The following KLHL13 variants were observed in gnomAD, a reference collection of about 807,000 sequenced individuals.
The protein encoded by KLHL13 is kelch-like protein 13.
In KLHL13, 10 loss-of-function variants were observed where a neutral mutation model predicts 37.1. That is an observed-to-expected ratio of 0.27 (90% CI 0.17 to 0.46). The LOEUF (loss-of-function observed/expected upper bound fraction) is 0.46, where lower values mean the gene tolerates loss of function less well. Among genes scored for constraint, KLHL13 ranks in the 20% least tolerant of loss-of-function variants. The pLI, the probability that KLHL13 is intolerant of heterozygous loss-of-function variation, is 1.00. For synonymous variants in KLHL13, 163 were observed against 181.2 expected, an observed-to-expected ratio of 0.90 and a Z score of 0.81; for missense variants, 360 against 509.3, an observed-to-expected ratio of 0.71 and a Z score of 2.82.
intron 1 of KLHL13, among the ~76,000 whole-genome samples, chrX:118,030,639 C>T (rs2054326895): frequency 8.9e-6 from 1 of 111,850 alleles, no homozygotes; most frequent in African/African-American, 3.3e-5. Context: ...GGGGCACCAC[C>T]CTCATGAAGG....
At chrX:118,074,677 T>C (rs372526868) in intron 1 of KLHL13, among the ~76,000 whole-genome samples, 1 of 112,088 alleles carries the variant, frequency 8.9e-6, no homozygotes, top group Non-Finnish European at 1.9e-5. Context: ...AATTATTATC[T>C]ACATTTGAAA....
intron 1 of KLHL13, among the ~76,000 whole-genome samples, chrX:118,088,863 T>C (rs758707148): frequency 1.8e-5 from 2 of 111,527 alleles, no homozygotes; most frequent in Non-Finnish European, 3.8e-5. Context: ...AAGAAGCAGA[T>C]GGGCTAGGGA....
Position 118,004,182 on chromosome X carries a change from T to C in KLHL13, c.-55-58607A>G, listed in dbSNP as rs148195565. On this transcript the variant is annotated intron_variant, in intron 1 of 6. Coordinates refer to the KLHL13 transcript ENST00000371882. ...GAAAACTAGAATGAACTCTATGGTA[T>C]TGGATTAAAATTGAAGGTATTGGTG... 9.3e-3 allele frequency among the ~76,000 whole-genome samples: 1,040 copies of C among 111,701 alleles called. 17 individuals carry two copies. Among genetic ancestry groups the C allele is most frequent in the African/African-American group, 0.031 (966 of 30,780 alleles).
At chrX:117,988,725 T>G (rs60241218) in intron 1 of KLHL13, among the ~76,000 whole-genome samples, 7,068 of 111,757 alleles carry the variant, frequency 0.063, 533 homozygotes, top group African/African-American at 0.21. Flanking sequence ...CAAAGTCTCA[T>G]AACCTCCCAA....
At chrX:118,025,758 A>G (rs2054267994) in intron 1 of KLHL13, among the ~76,000 whole-genome samples, 2 of 112,079 alleles carry the variant, frequency 1.8e-5, no homozygotes, top group Non-Finnish European at 3.8e-5. Context: ...TTTTTAAAAA[A>G]CACATGCTGA....
intron 1 of KLHL13, among the ~76,000 whole-genome samples, chrX:118,047,752 A>C (rs944068838): frequency 5.4e-5 from 6 of 111,813 alleles, no homozygotes; most frequent in Non-Finnish European, 9.4e-5. Flanking sequence ...ATTTGTGAGA[A>C]GGAATATGAG....
chrX:118,049,111 T>C (rs1426029365), intron 1 of KLHL13, among the ~76,000 whole-genome samples: 1 of 112,015 alleles, frequency 8.9e-6, no homozygotes, highest in African/African-American at 3.2e-5. Flanking sequence ...AATAATCAGA[T>C]TTGAGATATC....
chrX:118,032,080 C>A (rs1341297246), intron 1 of KLHL13, among the ~76,000 whole-genome samples: 1 of 111,544 alleles, frequency 9.0e-6, no homozygotes, highest in East Asian at 2.8e-4. Context: ...GCACCTGGCT[C>A]AGAGGGTCCT....
upstream of KLHL13, among the ~76,000 whole-genome samples, chrX:117,977,703 C>A (rs1264613276): frequency 1.8e-5 from 2 of 112,069 alleles, no homozygotes; most frequent in African/African-American, 6.5e-5. Flanking sequence ...GCAGATCATG[C>A]CAAATTGTGT....
chrX:117,898,626 T>C (rs1328526046), exon 7 of KLHL13: 11 of 272,122 alleles, frequency 4.0e-5, no homozygotes, highest in Non-Finnish European at 3.8e-5. Context: ...ATACACAGCA[T>C]TTAAAAAGTA....
intron 1 of KLHL13, among the ~76,000 whole-genome samples, chrX:118,059,157 A>G (rs188560736): frequency 8.9e-6 from 1 of 112,092 alleles, no homozygotes; most frequent in Admixed American, 9.5e-5. Flanking sequence ...ACAAGTCTCA[A>G]CAGATCCTAC....
chrX:118,051,228 G>A (rs1433994817), intron 1 of KLHL13, among the ~76,000 whole-genome samples: 3 of 110,346 alleles, frequency 2.7e-5, no homozygotes, highest in South Asian at 3.8e-4. Context: ...TTTAAAAGAT[G>A]TATGAAAGAC....
At chrX:118,106,133 G>A (rs2055344450) in intron 1 of KLHL13, among the ~76,000 whole-genome samples, 1 of 103,534 alleles carries the variant, frequency 9.7e-6, no homozygotes, top group Non-Finnish European at 2.0e-5. Flanking sequence ...TCCTGACCTC[G>A]TGATCCGCCC....
intron 2 of KLHL13, among the ~76,000 whole-genome samples, chrX:117,941,307 G>T (rs1355050113): frequency 2.7e-5 from 3 of 111,257 alleles, no homozygotes; most frequent in Non-Finnish European, 5.7e-5. Flanking sequence ...TTCTTTTTTT[G>T]TTGTCTCTGC....
chrX:117,936,416 C>A (rs1006285420), intron 2 of KLHL13, among the ~76,000 whole-genome samples: 5 of 112,000 alleles, frequency 4.5e-5, no homozygotes, highest in African/African-American at 1.6e-4. Context: ...GCTAGACCTG[C>A]TCAAGCCAAC....
intron 5 of KLHL13, among the ~76,000 whole-genome samples, chrX:117,903,906 T>C (rs1438971254): frequency 9.0e-6 from 1 of 111,538 alleles, no homozygotes; most frequent in Non-Finnish European, 1.9e-5. Context: ...ATTCAAACTG[T>C]TCCAATGTGA....
At chrX:118,026,443 A>C (rs970984982) in intron 1 of KLHL13, among the ~76,000 whole-genome samples, 1 of 111,732 alleles carries the variant, frequency 8.9e-6, no homozygotes, top group African/African-American at 3.2e-5. Context: ...CATCAGTTTG[A>C]AAAGAGCCTC....
Position 118,081,411 on chromosome X carries a change from A to G in KLHL13, c.-56+35097T>C, listed in dbSNP as rs768445043. Among the ~76,000 whole-genome samples the G allele has an allele frequency of 2.7e-5, 3 of 111,684 alleles. No homozygotes were observed. The South Asian group carries it at 1.1e-3, about 42-fold the overall frequency. ...ACAACTTGTCAATATCTATAAAAAA[A>G]TAAGAATACAAATACCATTTGTTAC... On this transcript the variant is annotated intron_variant, in intron 1 of 6. Transcript: ENST00000371882.
At chrX:117,908,914 T>C (rs188515792) in intron 5 of KLHL13, among the ~76,000 whole-genome samples, 9 of 112,217 alleles carry the variant, frequency 8.0e-5, no homozygotes, top group African/African-American at 2.9e-4. Flanking sequence ...TAATGAAGGA[T>C]TGTAACCTGT....
Sources: gnomAD v4.1 joint callset for allele counts (sites outside exome capture counted in the v4.1 genomes callset) on GRCh38, gnomAD v4.1.1 for gene constraint, MANE v1.5 for transcripts, NCBI Gene and HGNC (gene_info 2026-07-23, HGNC 2026-07-21) for gene names.